Variants in CSMD1 observed in about 807,000 individuals in gnomAD.
The protein encoded by CSMD1 is CUB and sushi domain-containing protein 1.
Under a neutral mutation model 417.5 loss-of-function variants are expected in CSMD1, and 213 were observed. The observed-to-expected ratio is 0.51, with a 90% CI of 0.46 to 0.57. The LOEUF (loss-of-function observed/expected upper bound fraction) is 0.57, where lower values mean the gene tolerates loss of function less well. Among genes scored for constraint, CSMD1 ranks in the 20% least tolerant of loss-of-function variants. The pLI, the probability that CSMD1 is intolerant of heterozygous loss-of-function variation, is 0.00. For synonymous variants in CSMD1, 2,862 were observed against 1,736.8 expected, an observed-to-expected ratio of 1.65 and a Z score of -16.11; for missense variants, 6,923 against 4,529.7, an observed-to-expected ratio of 1.53 and a Z score of -15.17.
intron 2 of CSMD1, among the ~76,000 whole-genome samples, chr8:4,591,782 G>A (rs1416699761): frequency 1.3e-5 from 2 of 152,146 alleles, no homozygotes; most frequent in Non-Finnish European, 2.9e-5. Context: ...AGCGTATTGA[G>A]GGGAATGTAC....
At chr8:3,950,468 A>G (rs1230575216) in intron 5 of CSMD1, among the ~76,000 whole-genome samples, 1 of 152,184 alleles carries the variant, frequency 6.6e-6, no homozygotes, top group East Asian at 1.9e-4. Context: ...TTCAGCTGCT[A>G]ATGCACAAAC....
At chr8:4,383,474 A>C (rs1803239230) in intron 3 of CSMD1, among the ~76,000 whole-genome samples, 1 of 152,186 alleles carries the variant, frequency 6.6e-6, no homozygotes, top group South Asian at 2.1e-4. Flanking sequence ...CTTCATACAC[A>C]GTGATCTGTC....
At chr8:3,908,439 C>T (rs530706343) in intron 5 of CSMD1, among the ~76,000 whole-genome samples, 4 of 152,242 alleles carry the variant, frequency 2.6e-5, no homozygotes, top group Admixed American at 6.5e-5. Context: ...AAACTTTGCT[C>T]GCAGATTTTC....
rs536012534 is a variant in CSMD1, at chr8:4,861,389, C to G, written c.85+132943G>C. Among the ~76,000 whole-genome samples, 7 of 152,204 alleles carry G rather than the reference C, an allele frequency of 4.6e-5. No homozygotes were observed. The South Asian group carries it at 1.2e-3, about 27-fold the overall frequency. Reference sequence around the variant, plus strand: ...AGTTCCTTCTGAAGGCAGCTTGACTCTATTACTACGCTGTAAACATCCAGA... The same window carrying G: ...AGTTCCTTCTGAAGGCAGCTTGACTGTATTACTACGCTGTAAACATCCAGA... On this transcript the variant is annotated intron_variant, in intron 1 of 69. Coordinates refer to ENST00000635120, the MANE Select transcript of CSMD1 (RefSeq NM_033225.6).
intron 21 of CSMD1, 128 bp from the exon 22 acceptor site, chr8:3,348,289 T>G (rs1219648284): frequency 1.5e-6 from 1 of 649,416 alleles, no homozygotes. Context: ...ATATATTATT[T>G]CAAAATAGAT....
intron 3 of CSMD1, among the ~76,000 whole-genome samples, chr8:4,331,509 T>G (rs1052186202): frequency 1.4e-4 from 22 of 152,148 alleles, no homozygotes; most frequent in African/African-American, 4.8e-4. Flanking sequence ...CATGTTTCAG[T>G]GTTGTTGTAT....
chr8:2,950,154 A>G, intron 67 of CSMD1, 77 bp downstream of exon 67: 2 of 955,008 alleles, frequency 2.1e-6, no homozygotes, highest in Non-Finnish European at 3.4e-6. Context: ...GAAGCCTCCA[A>G]TCCGTAGCCC....
intron 12 of CSMD1, among the ~76,000 whole-genome samples, chr8:3,439,140 A>AC (rs1814773797): frequency 1.5e-5 from 2 of 129,846 alleles, no homozygotes; most frequent in African/African-American, 6.5e-5. Context: ...AAAAAAAAAA[A>AC]AAAAAAAAAA....
chr8:4,408,417 C>G (rs1014409062), intron 3 of CSMD1, among the ~76,000 whole-genome samples: 1 of 152,186 alleles, frequency 6.6e-6, no homozygotes, highest in Non-Finnish European at 1.5e-5. Context: ...CTCCATTGAT[C>G]AGGTTTTAAA....
chr8:3,614,901 A>T (rs1474435792), intron 8 of CSMD1, among the ~76,000 whole-genome samples: 1 of 151,636 alleles, frequency 6.6e-6, no homozygotes, highest in African/African-American at 2.4e-5. Context: ...AGGGGCACAG[A>T]AGGAAAGGGA....
chr8:3,152,281 A>C (rs1019096254), intron 39 of CSMD1, among the ~76,000 whole-genome samples: 1 of 152,258 alleles, frequency 6.6e-6, no homozygotes, highest in African/African-American at 2.4e-5. Flanking sequence ...TACAACAAAC[A>C]TGCCCAGTGA....
intron 10 of CSMD1, among the ~76,000 whole-genome samples, chr8:3,565,215 G>GAT (rs58029640): frequency 0.2 from 27,335 of 138,948 alleles, 2,932 homozygotes; most frequent in Admixed American, 0.25. Context: ...GATAGATAGA[G>GAT]AGATAGACAG....
intron 5 of CSMD1, among the ~76,000 whole-genome samples, chr8:3,843,960 A>C (rs1313204117): frequency 6.6e-6 from 1 of 152,110 alleles, no homozygotes; most frequent in Non-Finnish European, 1.5e-5. Context: ...ATGATGAGGA[A>C]CTCAGAAAAT....
chr8:4,850,167 G>T (rs756431338), intron 1 of CSMD1, among the ~76,000 whole-genome samples: 1 of 152,036 alleles, frequency 6.6e-6, no homozygotes, highest in Non-Finnish European at 1.5e-5. Context: ...ATTGGTATTT[G>T]TAAAATGTAT....
At chr8:3,322,421 C>A (rs960428854) in intron 23 of CSMD1, among the ~76,000 whole-genome samples, 3 of 152,130 alleles carry the variant, frequency 2.0e-5, no homozygotes, top group Admixed American at 6.5e-5. Flanking sequence ...ACTAAGAGCA[C>A]AGATAAAGAA....
intron 2 of CSMD1, among the ~76,000 whole-genome samples, chr8:4,574,518 G>T (rs1351563166): frequency 6.6e-6 from 1 of 152,126 alleles, no homozygotes; most frequent in African/African-American, 2.4e-5. Flanking sequence ...GAAATCACCC[G>T]CCTTCTGTGA....
intron 23 of CSMD1, among the ~76,000 whole-genome samples, chr8:3,341,829 C>G (rs1807676779): frequency 1.3e-5 from 2 of 152,202 alleles, no homozygotes. Context: ...CTGTGTTCCT[C>G]TAAGACTAGT....
At position 4,387,011 on chromosome 8, in the gene CSMD1, AAAGG is replaced by A. The variant is rs558409513; in HGVS notation, c.415+32938_415+32941del. Among the ~76,000 whole-genome samples the A allele has an allele frequency of 5.1e-3, 781 of 152,328 alleles. 3 individuals carry two copies. Among genetic ancestry groups the A allele is most frequent in the Middle Eastern group, 0.01 (3 of 294 alleles). On this transcript the variant is annotated intron_variant, in intron 3 of 69. Coordinates refer to ENST00000635120, the MANE Select transcript of CSMD1 (RefSeq NM_033225.6). ...AAAGGACAGTAATCGGCTTCATTTG[AAAGG>A]GACTGAGTTTGAGATACATGGGGGA... is the stretch of plus-strand genomic sequence containing the variant.
intron 33 of CSMD1, 65 bp downstream of exon 33, chr8:3,199,649 T>C: frequency 9.7e-7 from 1 of 1,029,144 alleles, no homozygotes; most frequent in Non-Finnish European, 1.4e-6. Flanking sequence ...TGTCTGAGAC[T>C]AGCCGTGGGT....
Sources: allele counts gnomAD v4.1 joint callset (sites outside exome capture counted in the v4.1 genomes callset), GRCh38; gene constraint gnomAD v4.1.1; transcripts MANE v1.5; gene names NCBI Gene and HGNC (gene_info 2026-07-23, HGNC 2026-07-21).